Variants in AFG1L observed in about 807,000 individuals in gnomAD.
The protein encoded by AFG1L is AFG1 like ATPase, also known as AFG1-like ATPase.
A neutral mutation model predicts 62.2 loss-of-function variants in AFG1L; 53 were observed. The ratio of observed to expected loss-of-function variants is 0.85; its 90% CI spans 0.68 to 1.07. The LOEUF (loss-of-function observed/expected upper bound fraction) is 1.07, where lower values mean the gene tolerates loss of function less well. AFG1L is among the 50% of genes least tolerant of loss of function. The pLI, the probability that AFG1L is intolerant of heterozygous loss-of-function variation, is 0.00. For missense variants in AFG1L, 555 were observed against 590.5 expected (o/e 0.94, Z 0.62); for synonymous variants, 228 against 210.3 (o/e 1.08, Z -0.73).
chr6:108,439,119 C>T (rs1026057681), intron 7 of AFG1L, among the ~76,000 whole-genome samples: 3 of 152,140 alleles, frequency 2.0e-5, no homozygotes, highest in Admixed American at 1.3e-4. Flanking sequence ...GGAGAGGTTA[C>T]GTAACAGGCT....
chr6:108,484,557 A>G (rs1373356016), intron 10 of AFG1L, among the ~76,000 whole-genome samples: 1 of 152,204 alleles, frequency 6.6e-6, no homozygotes, highest in East Asian at 1.9e-4. Context: ...ACAAGACCCC[A>G]GGCCTCCACT....
At chr6:108,507,976 A>G (rs962782879) in intron 10 of AFG1L, among the ~76,000 whole-genome samples, 1 of 152,220 alleles carries the variant, frequency 6.6e-6, no homozygotes, top group Non-Finnish European at 1.5e-5. Flanking sequence ...GATCCCAATC[A>G]TTTGAGCTCA....
intron 3 of AFG1L, among the ~76,000 whole-genome samples, chr6:108,348,677 A>G (rs1778962287): frequency 6.6e-6 from 1 of 152,252 alleles, no homozygotes; most frequent in Non-Finnish European, 1.5e-5. Context: ...AAGCAGTTAT[A>G]ACAGACACTT....
intron 6 of AFG1L, among the ~76,000 whole-genome samples, chr6:108,371,454 T>C (rs754415068): frequency 4.6e-5 from 7 of 152,144 alleles, no homozygotes; most frequent in Non-Finnish European, 1.0e-4. Context: ...CAAGTGGTAC[T>C]GCTCACTGCA....
intron 10 of AFG1L, among the ~76,000 whole-genome samples, chr6:108,499,392 C>A (rs1348668712): frequency 6.6e-6 from 1 of 151,694 alleles, no homozygotes; most frequent in African/African-American, 2.4e-5. Flanking sequence ...TTCTAAAAGT[C>A]AGTTTTGATA....
In AFG1L at chr6:108,446,509, T is replaced by TG. The variant is rs1228819003; in HGVS notation, c.808-705_808-704insG. Among the ~76,000 whole-genome samples the TG allele has an allele frequency of 4.7e-5, 7 of 147,868 alleles. No individual in the cohort carries two copies. In the East Asian group the frequency reaches 5.9e-4, roughly 12 times the overall value. ...TCTCTCTCTTTTTTTTTTTTTTTTT[T>TG]TTTGTGTGTGTGTGAGACAAGGTCT... On this transcript the variant is annotated intron_variant, in intron 7 of 12. Transcript: ENST00000368977.
chr6:108,369,497 T>G, intron 6 of AFG1L, among the ~76,000 whole-genome samples: 1 of 152,112 alleles, frequency 6.6e-6, no homozygotes. Context: ...AACGTCCTTT[T>G]CTTAAAACAG....
intron 1 of AFG1L, among the ~76,000 whole-genome samples, chr6:108,302,232 C>T (rs951051996): frequency 3.3e-5 from 5 of 152,138 alleles, no homozygotes; most frequent in African/African-American, 7.2e-5. Flanking sequence ...CGTGAGCCAT[C>T]GCTCCCAGCC....
At chr6:108,397,328 A>G (rs575214475) in intron 6 of AFG1L, among the ~76,000 whole-genome samples, 2 of 152,234 alleles carry the variant, frequency 1.3e-5, no homozygotes, top group African/African-American at 4.8e-5. Flanking sequence ...GGATTTCACT[A>G]TGTTGGCCAG....
intron 7 of AFG1L, among the ~76,000 whole-genome samples, chr6:108,406,349 G>A (rs2114644817): frequency 6.6e-6 from 1 of 151,052 alleles, no homozygotes; most frequent in South Asian, 2.1e-4. Context: ...ATCCCAGTGG[G>A]TGTGAAGTGA....
At chr6:108,361,516 C>T (rs993899156) in intron 5 of AFG1L, among the ~76,000 whole-genome samples, 5 of 151,616 alleles carry the variant, frequency 3.3e-5, no homozygotes, top group African/African-American at 9.8e-5. Context: ...AGGAATAGGA[C>T]GGGGTAACTA....
At chr6:108,502,528 C>T (rs1256264645) in intron 10 of AFG1L, among the ~76,000 whole-genome samples, 9 of 151,874 alleles carry the variant, frequency 5.9e-5, no homozygotes, top group Non-Finnish European at 1.5e-5. Context: ...TTAGTAGAGA[C>T]AGGGTTTCCC....
At chr6:108,373,960 G>A (rs568309892) in intron 6 of AFG1L, among the ~76,000 whole-genome samples, 327 of 152,278 alleles carry the variant, frequency 2.1e-3, no homozygotes, top group African/African-American at 7.3e-3. Flanking sequence ...CACCAATGGT[G>A]TATAAGCATT....
At chr6:108,373,433 C>T (rs1380941644) in intron 6 of AFG1L, among the ~76,000 whole-genome samples, 1 of 151,978 alleles carries the variant, frequency 6.6e-6, no homozygotes, top group Non-Finnish European at 1.5e-5. Context: ...CTCATCCAGT[C>T]GTCATTAATG....
intron 6 of AFG1L, among the ~76,000 whole-genome samples, chr6:108,381,421 C>T (rs1273081967): frequency 6.6e-6 from 1 of 151,454 alleles, no homozygotes; most frequent in Non-Finnish European, 1.5e-5. Context: ...AGTGTCAGGA[C>T]CTGGGTGCAT....
At chr6:108,519,565 A>T in intron 11 of AFG1L, 132 bp from the exon 12 acceptor site, 3 of 586,830 alleles carry the variant, frequency 5.1e-6, no homozygotes, top group Non-Finnish European at 9.2e-6. Context: ...TAGGGAAAAA[A>T]AATGGACGTC....
chr6:108,508,510 G>A (rs1228314109), intron 10 of AFG1L, among the ~76,000 whole-genome samples: 2 of 152,272 alleles, frequency 1.3e-5, no homozygotes, highest in East Asian at 3.9e-4. Context: ...GGAGGAAGGG[G>A]CACTGTCAGC....
intron 8 of AFG1L, among the ~76,000 whole-genome samples, chr6:108,469,326 A>G (rs1162390281): frequency 1.3e-5 from 2 of 152,072 alleles, no homozygotes; most frequent in African/African-American, 4.8e-5. Flanking sequence ...ATTGTTAGTT[A>G]CACTATTTAA....
At chr6:108,392,768 C>T (rs1781112595) in intron 6 of AFG1L, among the ~76,000 whole-genome samples, 1 of 151,958 alleles carries the variant, frequency 6.6e-6, no homozygotes, top group African/African-American at 2.4e-5. Context: ...AAATTGGTTC[C>T]ATGAAACCAT....
Sources: gnomAD v4.1 joint callset for allele counts (sites outside exome capture counted in the v4.1 genomes callset) on GRCh38, gnomAD v4.1.1 for gene constraint, MANE v1.5 for transcripts, NCBI Gene and HGNC (gene_info 2026-07-23, HGNC 2026-07-21) for gene names.